The following AGBL4 variants were observed in gnomAD, a reference collection of about 807,000 sequenced individuals.
The protein encoded by AGBL4 is cytosolic carboxypeptidase 6.
Under a neutral mutation model 66.4 loss-of-function variants are expected in AGBL4, and 58 were observed. That is an observed-to-expected ratio of 0.87 (90% CI 0.71 to 1.09). The LOEUF (loss-of-function observed/expected upper bound fraction) is 1.09, where lower values mean the gene tolerates loss of function less well. AGBL4 is among the 50% of genes least tolerant of loss of function. AGBL4 has a pLI of 0.00. For missense variants in AGBL4, 579 were observed against 631.0 expected (o/e 0.92, Z 0.88); for synonymous variants, 234 against 222.9 (o/e 1.05, Z -0.44).
chr1:49,787,911 C>T (rs1367033359), intron 2 of AGBL4, among the ~76,000 whole-genome samples: 2 of 151,694 alleles, frequency 1.3e-5, no homozygotes, highest in Non-Finnish European at 2.9e-5. Flanking sequence ...AACTTCCAAA[C>T]CCCCAGAAAA....
intron 3 of AGBL4, among the ~76,000 whole-genome samples, chr1:49,579,673 G>A (rs945665000): frequency 1.3e-5 from 2 of 152,040 alleles, no homozygotes; most frequent in African/African-American, 4.8e-5. Flanking sequence ...CTAATTTTTT[G>A]TATTTTTAGT....
At chr1:48,716,276 T>C (rs1189100729) in intron 6 of AGBL4, among the ~76,000 whole-genome samples, 1 of 151,942 alleles carries the variant, frequency 6.6e-6, no homozygotes, top group Non-Finnish European at 1.5e-5. Flanking sequence ...GAGGGGGAGA[T>C]CTCTGACTTC....
intron 6 of AGBL4, among the ~76,000 whole-genome samples, chr1:48,724,756 C>T (rs1261520190): frequency 1.3e-5 from 2 of 152,150 alleles, no homozygotes; most frequent in South Asian, 2.1e-4. Context: ...GAAATGCCTA[C>T]AGGAAGCATA....
chr1:49,129,531 T>G (rs1353021573), intron 4 of AGBL4, among the ~76,000 whole-genome samples: 1 of 151,826 alleles, frequency 6.6e-6, no homozygotes, highest in Non-Finnish European at 1.5e-5. Context: ...TTCTCATTGT[T>G]CAATTCCCAC....
At chr1:48,783,838 G>T (rs777085520) in intron 6 of AGBL4, among the ~76,000 whole-genome samples, 1 of 152,110 alleles carries the variant, frequency 6.6e-6, no homozygotes, top group Non-Finnish European at 1.5e-5. Flanking sequence ...TGAGTTAGAA[G>T]ATCTTAAGGT....
At chr1:48,655,295 G>C (rs896924938) in intron 7 of AGBL4, among the ~76,000 whole-genome samples, 2 of 152,160 alleles carry the variant, frequency 1.3e-5, no homozygotes, top group Admixed American at 6.5e-5. Flanking sequence ...CAGGAAATAG[G>C]GAGATCTTTC....
intron 6 of AGBL4, among the ~76,000 whole-genome samples, chr1:48,773,325 A>G (rs1173811526): frequency 1.3e-5 from 2 of 152,132 alleles, no homozygotes; most frequent in Admixed American, 6.5e-5. Context: ...GAGCTCTCCA[A>G]ATGAGTAGTT....
At chr1:49,897,941 T>A (rs561307143) in intron 1 of AGBL4, among the ~76,000 whole-genome samples, 5 of 152,194 alleles carry the variant, frequency 3.3e-5, no homozygotes, top group Admixed American at 2.6e-4. Context: ...CACCTCTTTT[T>A]TTCCATGTAC....
intron 1 of AGBL4, among the ~76,000 whole-genome samples, chr1:49,919,316 A>G (rs1466438462): frequency 6.6e-6 from 1 of 152,190 alleles, no homozygotes. Flanking sequence ...CAGATGACAT[A>G]ATTGTACATT....
intron 6 of AGBL4, among the ~76,000 whole-genome samples, chr1:48,832,081 G>A (rs1646564983): frequency 6.6e-6 from 1 of 152,126 alleles, no homozygotes; most frequent in Admixed American, 6.6e-5. Flanking sequence ...AGAGATTAAG[G>A]CATTACTTTC....
chr1:48,884,391 CT>C (rs74429434), intron 5 of AGBL4, among the ~76,000 whole-genome samples: 72,199 of 145,818 alleles, frequency 0.5, 20,715 homozygotes, highest in Non-Finnish European at 0.67. Context: ...AGAGCCTGGA[CT>C]TTTTTTTTTT....
intron 3 of AGBL4, among the ~76,000 whole-genome samples, chr1:49,312,333 A>T (rs1341951149): frequency 2.0e-5 from 3 of 152,042 alleles, no homozygotes; most frequent in Non-Finnish European, 4.4e-5. Context: ...GGAAGCAAAG[A>T]CAGAGTCCTT....
chr1:49,639,534 A>G (rs780619469), intron 3 of AGBL4, among the ~76,000 whole-genome samples: 1 of 152,206 alleles, frequency 6.6e-6, no homozygotes, highest in Non-Finnish European at 1.5e-5. Flanking sequence ...TATAGTTAAT[A>G]AGTGGTAGAG....
chr1:48,529,225 A>T (rs2148246003), downstream of AGBL4, among the ~76,000 whole-genome samples: 1 of 151,988 alleles, frequency 6.6e-6, no homozygotes, highest in Middle Eastern at 3.4e-3. Flanking sequence ...CTTGTCCTCT[A>T]CTCAAGAAGC....
intron 2 of AGBL4, among the ~76,000 whole-genome samples, chr1:49,835,339 C>CT (rs1290618402): frequency 6.6e-6 from 1 of 152,082 alleles, no homozygotes; most frequent in Non-Finnish European, 1.5e-5. Context: ...CCTTCTTTGT[C>CT]TTTTTTGATC....
chr1:48,853,414 G>T (rs1202586848), intron 6 of AGBL4, among the ~76,000 whole-genome samples: 1 of 152,196 alleles, frequency 6.6e-6, no homozygotes, highest in Non-Finnish European at 1.5e-5. Context: ...AACTGCTGAG[G>T]TTTAGGGTAA....
intron 3 of AGBL4, among the ~76,000 whole-genome samples, chr1:49,560,441 C>CA (rs769013748): frequency 6.6e-6 from 1 of 151,586 alleles, no homozygotes; most frequent in Admixed American, 6.6e-5. Context: ...TAAAAAAAGA[C>CA]AAAAAACAAT....
intron 6 of AGBL4, among the ~76,000 whole-genome samples, chr1:48,806,995 C>T (rs1380087661): frequency 6.6e-6 from 1 of 152,174 alleles, no homozygotes; most frequent in Non-Finnish European, 1.5e-5. Flanking sequence ...CATCTACTCT[C>T]ATATATCCAA....
intron 4 of AGBL4, among the ~76,000 whole-genome samples, chr1:49,109,086 C>T (rs182343195): frequency 2.0e-5 from 3 of 152,232 alleles, no homozygotes; most frequent in African/African-American, 7.2e-5. Flanking sequence ...AAAACTTTAC[C>T]TAAAGCCCTA....
Sources: gnomAD v4.1 joint callset for allele counts (sites outside exome capture counted in the v4.1 genomes callset) on GRCh38, gnomAD v4.1.1 for gene constraint, MANE v1.5 for transcripts, NCBI Gene and HGNC (gene_info 2026-07-23, HGNC 2026-07-21) for gene names.